Variants in CSMD1 observed in about 807,000 individuals in gnomAD.
CSMD1 encodes the protein CUB and sushi domain-containing protein 1.
CSMD1 carries 213 observed loss-of-function variants against 417.5 expected under a neutral mutation model. That is an observed-to-expected ratio of 0.51 (90% CI 0.46 to 0.57). The LOEUF is 0.57. Among genes scored for constraint, CSMD1 ranks in the 20% least tolerant of loss-of-function variants. The probability of loss-of-function intolerance (pLI) is 0.00; values close to 1 mark genes in which losing one functional copy is unlikely to be tolerated. For missense variants in CSMD1, 6,923 were observed against 4,529.7 expected, an observed-to-expected ratio of 1.53 and a Z score of -15.17; for synonymous variants, 2,862 against 1,736.8, an observed-to-expected ratio of 1.65 and a Z score of -16.11.
At chr8:3,183,256 G>T (rs1314334671) in intron 36 of CSMD1, 1 of 131,316 alleles carries the variant, frequency 7.6e-6, no homozygotes, top group Non-Finnish European at 1.7e-5. Flanking sequence ...ATCCATCCAC[G>T]TCACAAACTG....
At chr8:3,721,942 A>C (rs1802200271) in intron 6 of CSMD1, among the ~76,000 whole-genome samples, 1 of 152,102 alleles carries the variant, frequency 6.6e-6, no homozygotes. Flanking sequence ...CCACAGGTGC[A>C]CCCAAGGCCG....
intron 27 of CSMD1, among the ~76,000 whole-genome samples, chr8:3,228,250 T>G (rs1037344303): frequency 6.6e-6 from 1 of 152,160 alleles, no homozygotes; most frequent in African/African-American, 2.4e-5. Flanking sequence ...GGTAAAAAAA[T>G]TAAAAAGTGT....
intron 23 of CSMD1, among the ~76,000 whole-genome samples, chr8:3,341,812 C>G (rs1173527259): frequency 6.6e-6 from 1 of 152,152 alleles, no homozygotes; most frequent in Non-Finnish European, 1.5e-5. Context: ...TTTTTCTTCT[C>G]AAGTATCTGT....
intron 7 of CSMD1, among the ~76,000 whole-genome samples, chr8:3,666,966 A>G (rs1015863386): frequency 6.6e-6 from 1 of 152,176 alleles, no homozygotes; most frequent in Non-Finnish European, 1.5e-5. Context: ...ATTGCAGTCT[A>G]ATTGTAAGAG....
chr8:4,050,686 C>A (rs1006566371), intron 3 of CSMD1, among the ~76,000 whole-genome samples: 5 of 152,190 alleles, frequency 3.3e-5, no homozygotes, highest in East Asian at 3.9e-4. Flanking sequence ...CACATCCCCA[C>A]TTCCATCCAA....
chr8:4,087,113 T>G (rs1800461489), intron 3 of CSMD1, among the ~76,000 whole-genome samples: 1 of 152,164 alleles, frequency 6.6e-6, no homozygotes, highest in Non-Finnish European at 1.5e-5. Context: ...CAACTGGCAT[T>G]CAATCTCTGG....
Position 2,955,673 on chromosome 8 carries a change from G to T in CSMD1, c.9910C>A (p.Pro3304Thr). The T allele has an allele frequency of 1.9e-6, 3 of 1,613,894 alleles. No homozygotes were observed. Among genetic ancestry groups the T allele is most frequent in the Non-Finnish European group, 2.5e-6 (3 of 1,179,836 alleles). ...FGYTLVYTCHPGFFLAGGSEH... is the reference protein window; with the variant it reads ...FGYTLVYTCHTGFFLAGGSEH... Reference sequence around the variant, plus strand: ...GATCCCCCTGCGAGGAAAAAGCCTGGATGGCAGGTGTACACTAAGGTGTAG... The same window carrying T: ...GATCCCCCTGCGAGGAAAAAGCCTGTATGGCAGGTGTACACTAAGGTGTAG... The change falls in exon 64 of 70, where the codon CCA becomes ACA. Residue 3304 changes from proline to threonine, a missense_variant. Pro to Thr is a conservative substitution (Grantham distance 38). Transcript: ENST00000635120.
At chr8:4,051,308 C>CAAAAAAAAAAAAAA (rs5889012) in intron 3 of CSMD1, among the ~76,000 whole-genome samples, 2 of 140,506 alleles carry the variant, frequency 1.4e-5, no homozygotes, top group African/African-American at 5.5e-5. Context: ...TTTGAAGACT[C>CAAAAAAAAAAAAAA]AAAAAAAAAA....
At chr8:4,260,990 G>C (rs73660716) in intron 3 of CSMD1, among the ~76,000 whole-genome samples, 1 of 151,922 alleles carries the variant, frequency 6.6e-6, no homozygotes, top group African/African-American at 2.4e-5. Flanking sequence ...TGTAAACAAC[G>C]TATCATTCAA....
chr8:3,965,610 T>TTTTATTTA (rs59421208), intron 5 of CSMD1, among the ~76,000 whole-genome samples: 5 of 151,932 alleles, frequency 3.3e-5, no homozygotes, highest in South Asian at 4.1e-4. Flanking sequence ...TAAAATTTCT[T>TTTTATTTA]TTTATTTATT....
In CSMD1 at chr8:3,752,275, T is replaced by C. The variant is rs2623726; in HGVS notation, c.931+1655A>G. 4.7e-3 allele frequency among the ~76,000 whole-genome samples: 711 copies of C among 152,282 alleles called. 24 individuals carry two copies. In the East Asian group the frequency reaches 0.078, roughly 17 times the overall value. ...TCTAATAAAATTTCAGGGCAGCTTCTTTGCAACCAAAGAAGATCAAGCTAA... is the reference window on the plus strand; with the variant it reads ...TCTAATAAAATTTCAGGGCAGCTTCCTTGCAACCAAAGAAGATCAAGCTAA... On this transcript the variant is annotated intron_variant, in intron 6 of 69. Coordinates refer to ENST00000635120, the MANE Select transcript of CSMD1 (RefSeq NM_033225.6).
chr8:3,346,428 G>A (rs1367288447), intron 22 of CSMD1, among the ~76,000 whole-genome samples: 2 of 152,320 alleles, frequency 1.3e-5, no homozygotes, highest in African/African-American at 4.8e-5. Context: ...CAGTTGCGAT[G>A]TAACTATTTC....
At chr8:3,461,242 C>G (rs1816480451) in intron 12 of CSMD1, among the ~76,000 whole-genome samples, 1 of 152,192 alleles carries the variant, frequency 6.6e-6, no homozygotes, top group Admixed American at 6.5e-5. Context: ...GCTACTGACC[C>G]CGAGACCTGG....
intron 10 of CSMD1, among the ~76,000 whole-genome samples, chr8:3,538,660 C>G (rs1798308780): frequency 6.6e-6 from 1 of 152,242 alleles, no homozygotes; most frequent in Non-Finnish European, 1.5e-5. Context: ...TGTTGCCAGA[C>G]TGGCCTTTTC....
At chr8:4,085,865 C>T (rs749918963) in intron 3 of CSMD1, among the ~76,000 whole-genome samples, 49 of 152,114 alleles carry the variant, frequency 3.2e-4, no homozygotes, top group Non-Finnish European at 6.5e-4. Flanking sequence ...TGTCAGTATC[C>T]GGGCTGTATT....
At chr8:4,441,869 G>C (rs950361700) in intron 2 of CSMD1, among the ~76,000 whole-genome samples, 3 of 152,148 alleles carry the variant, frequency 2.0e-5, no homozygotes, top group Non-Finnish European at 2.9e-5. Context: ...AAAGATTTGA[G>C]TTATTTTAAA....
At chr8:3,715,079 T>A (rs1378304832) in intron 6 of CSMD1, among the ~76,000 whole-genome samples, 1 of 152,196 alleles carries the variant, frequency 6.6e-6, no homozygotes, top group Non-Finnish European at 1.5e-5. Flanking sequence ...AATTTTAACA[T>A]TTCTTCATTA....
At chr8:4,265,352 C>G (rs930126393) in intron 3 of CSMD1, among the ~76,000 whole-genome samples, 3 of 111,092 alleles carry the variant, frequency 2.7e-5, no homozygotes, top group East Asian at 2.4e-4. Flanking sequence ...AATGATCTGT[C>G]TCTGCACAGT....
intron 1 of CSMD1, among the ~76,000 whole-genome samples, chr8:4,692,017 G>C (rs1806798785): frequency 6.6e-6 from 1 of 152,156 alleles, no homozygotes; most frequent in African/African-American, 2.4e-5. Flanking sequence ...TTGTACAGCA[G>C]AGCTCAGTCC....
Sources: gnomAD v4.1 joint callset for allele counts (sites outside exome capture counted in the v4.1 genomes callset) on GRCh38, gnomAD v4.1.1 for gene constraint, MANE v1.5 for transcripts, NCBI Gene and HGNC (gene_info 2026-07-23, HGNC 2026-07-21) for gene names.